The following STAB2 variants were observed in gnomAD, a reference collection of about 807,000 sequenced individuals.
STAB2 encodes the protein stabilin-2.
A neutral mutation model predicts 338.1 loss-of-function variants in STAB2; 288 were observed. The observed-to-expected ratio is 0.85, with a 90% CI of 0.77 to 0.94. STAB2 has a LOEUF of 0.94. Among genes scored for constraint, STAB2 ranks in the 40% least tolerant of loss-of-function variants. STAB2 has a pLI of 0.00. For synonymous variants in STAB2, 1,202 were observed against 1,193.3 expected (o/e 1.01, Z -0.15); for missense variants, 3,141 against 3,210.1 (o/e 0.98, Z 0.52).
intron 15 of STAB2, among the ~76,000 whole-genome samples, chr12:103,658,440 A>G (rs1333015116): frequency 6.6e-6 from 1 of 152,148 alleles, no homozygotes; most frequent in Non-Finnish European, 1.5e-5. Flanking sequence ...CAGTAACGGG[A>G]GTGATGCGGA....
Position 103,726,128 on chromosome 12 carries a change from A to G in STAB2, c.4816A>G (p.Asn1606Asp). Residue 1606 changes from asparagine (N) to aspartate (D), a missense_variant, in exon 46 of 69, where the codon AAC (asparagine) becomes GAC (aspartate). Asn to Asp is a conservative substitution (Grantham distance 23, BLOSUM62 1). Coordinates refer to ENST00000388887, the MANE Select transcript of STAB2 (RefSeq NM_017564.10). ...RGSIYQELPKNPKTSQYFFQL... is the reference protein window; with the variant it reads ...RGSIYQELPKDPKTSQYFFQL... ...TCTTTGTTTGCAGGAGCTTCCCAAG[A>G]ACCCGAAAACTTCCCAGTATTTCTT... 6.2e-7 allele frequency: 1 copy of G among 1,614,004 alleles called. No homozygotes were observed. The highest frequency in any genetic ancestry group is 1.1e-5 in the South Asian group (1 of 91,082).
chr12:103,757,823 G>C (rs55766192), intron 63 of STAB2: 9 of 262,652 alleles, frequency 3.4e-5, no homozygotes, highest in Non-Finnish European at 6.8e-5. Context: ...TTTGGGCCTC[G>C]TGAGCTGTTA....
chr12:103,707,599 CT>C (rs1158399277), intron 38 of STAB2, among the ~76,000 whole-genome samples: 7 of 152,188 alleles, frequency 4.6e-5, no homozygotes, highest in Non-Finnish European at 8.8e-5. Context: ...AAACAATGAT[CT>C]GTTTGAGCCA....
chr12:103,750,806 A>G, intron 60 of STAB2, 86 bp downstream of exon 60: 1 of 1,471,472 alleles, frequency 6.8e-7, no homozygotes, highest in East Asian at 2.5e-5. Flanking sequence ...GAAAAACAAA[A>G]CAGGCCAAGC....
At chr12:103,680,428 G>A (rs1051433340) in intron 25 of STAB2, among the ~76,000 whole-genome samples, 3 of 152,232 alleles carry the variant, frequency 2.0e-5, no homozygotes, top group Admixed American at 6.5e-5. Context: ...TCAGAAGGCA[G>A]CATAAAGGGT....
chr12:103,682,370 C>T (rs1022541304), intron 25 of STAB2, among the ~76,000 whole-genome samples: 1 of 152,210 alleles, frequency 6.6e-6, no homozygotes, highest in African/African-American at 2.4e-5. Context: ...GGATTGCCCT[C>T]AGCTGGGACT....
At chr12:103,644,886 T>A (rs1873220157) in intron 9 of STAB2, among the ~76,000 whole-genome samples, 1 of 152,226 alleles carries the variant, frequency 6.6e-6, no homozygotes, top group Non-Finnish European at 1.5e-5. Flanking sequence ...TTATTATGCA[T>A]TGCATGTCTG....
rs529434792 is a variant in STAB2, at chr12:103,638,039, A to G, written c.733A>G (p.Ile245Val). Reference protein sequence around the residue: ...CDPINPCLRKICHPHAHCTYL... With the variant: ...CDPINPCLRKVCHPHAHCTYL... ...AGCCATCAATCCATGTTTACGAAAA[A>G]TCTGCCACCCTCATGCTCATTGTAC... The change falls in exon 8 of 69, where the codon ATC (isoleucine) becomes GTC (valine). Residue 245 changes from isoleucine to valine, a missense_variant. Ile to Val is a conservative substitution (Grantham distance 29). Transcript: ENST00000388887. 118 of 1,612,788 alleles carry G rather than the reference A, an allele frequency of 7.3e-5. No individual in the cohort carries two copies. The highest frequency in any genetic ancestry group is 4.9e-4 in the South Asian group (45 of 90,944).
intron 68 of STAB2, 144 bp from the exon 69 acceptor site, chr12:103,766,142 C>T (rs1374765155): frequency 1.8e-6 from 2 of 1,116,682 alleles, no homozygotes; most frequent in Non-Finnish European, 2.7e-6. Context: ...CAACACAAGG[C>T]AGCAGCACAA....
At chr12:103,698,370 C>T (rs903385701) in intron 33 of STAB2, among the ~76,000 whole-genome samples, 3 of 151,912 alleles carry the variant, frequency 2.0e-5, no homozygotes, top group South Asian at 2.1e-4. Flanking sequence ...TTTGAAGTAG[C>T]GGGGTAAGAA....
At position 103,662,903 on chromosome 12, in the gene STAB2, G is replaced by A. The variant is rs200983598; in HGVS notation, c.1927G>A (p.Gly643Ser). 3.5e-5 allele frequency: 57 copies of A among 1,614,046 alleles called. No homozygotes were observed. Among genetic ancestry groups the A allele is most frequent in the Non-Finnish European group, 3.7e-5 (44 of 1,180,032 alleles). ...MEEIEITAKNGRIYTLTGVLI... is the reference protein window; with the variant it reads ...MEEIEITAKNSRIYTLTGVLI... Reference sequence around the variant, plus strand: ...AGAAATTGAGATCACTGCCAAAAATGGCCGAATTTACACACTGACAGGAGT... The same window carrying A: ...AGAAATTGAGATCACTGCCAAAAATAGCCGAATTTACACACTGACAGGAGT... Residue 643 changes from glycine to serine, a missense_variant, in exon 18 of 69, where the codon GGC becomes AGC. Coordinates refer to ENST00000388887, the MANE Select transcript of STAB2 (RefSeq NM_017564.10).
At position 103,725,039 on chromosome 12, in the gene STAB2, C is replaced by G. The variant is rs1368306856; in HGVS notation, c.4748C>G (p.Thr1583Ser). 1.9e-6 allele frequency: 3 copies of G among 1,614,030 alleles called. No homozygotes were observed. The Admixed American group carries it at 5.0e-5, about 27-fold the overall frequency. Residue 1583 changes from threonine (T) to serine (S), a missense_variant, in exon 45 of 69, where the codon ACT becomes AGT. By Grantham distance (58) the Thr-to-Ser change is moderately conservative. Coordinates refer to ENST00000388887, the MANE Select transcript of STAB2 (RefSeq NM_017564.10). ...ACTGGGCAAGTAGAAAGGACTTGTA[C>G]TTGCAAGCCAAACTACATTGGAGAT... Reference protein sequence around the residue: ...NHTGQVERTCTCKPNYIGDGF... With the variant: ...NHTGQVERTCSCKPNYIGDGF...
intron 18 of STAB2, among the ~76,000 whole-genome samples, chr12:103,664,366 A>T (rs10778273): frequency 6.6e-6 from 1 of 152,126 alleles, no homozygotes; most frequent in Admixed American, 6.5e-5. Flanking sequence ...GGATGGTCTC[A>T]ATCTCCTGAC....
rs755121692 is a variant in STAB2 at position 103,728,892 on chromosome 12, G to C, written c.4979G>C (p.Arg1660Pro). Residue 1660 changes from arginine (R) to proline (P), a missense_variant, in exon 48 of 69, where the codon CGG becomes CCG. By Grantham distance (103) the Arg-to-Pro change is moderately radical (BLOSUM62 -2). Coordinates refer to ENST00000388887, the MANE Select transcript of STAB2 (RefSeq NM_017564.10). The part of the protein sequence containing the change: ...DKYGLMPQVL[R>P]YHVVACHQLL... Reference sequence around the variant, plus strand: ...TACGGTTTAATGCCCCAGGTTCTTCGGTACCATGTGGTCGCCTGCCACCAG... The same window carrying C: ...TACGGTTTAATGCCCCAGGTTCTTCCGTACCATGTGGTCGCCTGCCACCAG... 1 of 1,613,914 alleles carries C rather than the reference G, an allele frequency of 6.2e-7. No homozygotes were observed. Among genetic ancestry groups the C allele is most frequent in the East Asian group, 2.2e-5 (1 of 44,882 alleles).
Position 103,648,799 on chromosome 12 carries a change from C to T in STAB2, c.1150C>T (p.Leu384=), listed in dbSNP as rs1305797765. 2 of 1,613,952 alleles carry T rather than the reference C, an allele frequency of 1.2e-6. No homozygotes were observed. The highest frequency in any genetic ancestry group is 1.7e-6 in the Non-Finnish European group (2 of 1,179,962). The change falls in exon 10 of 69, where the codon CTG becomes TTG. Residue 384 remains leucine (L), a synonymous_variant. Transcript: ENST00000388887. ...ACCCAGAGGAAAATGGCAAGGAAGG[C>T]TGACCTCTTTCATCTCACTCCTAGG... The part of the protein sequence containing the change: ...TEPRGKWQGR[L]TSFISLLDKA...
intron 52 of STAB2, among the ~76,000 whole-genome samples, chr12:103,735,804 G>A (rs1882072631): frequency 1.3e-5 from 2 of 152,176 alleles, no homozygotes; most frequent in South Asian, 4.1e-4. Context: ...GCAGGTGGCA[G>A]GAAGCCTCTT....
chr12:103,611,445 G>T (rs1338979278), intron 3 of STAB2, among the ~76,000 whole-genome samples: 1 of 152,066 alleles, frequency 6.6e-6, no homozygotes, highest in African/African-American at 2.4e-5. Context: ...TTATGTAATG[G>T]CCTTCTTTGT....
chr12:103,648,884 A>C, intron 10 of STAB2, 61 bp downstream of exon 10: 1 of 1,585,156 alleles, frequency 6.3e-7, no homozygotes, highest in Non-Finnish European at 8.6e-7. Flanking sequence ...GGGCATCTGC[A>C]AGATACAATG....
At chr12:103,625,806 C>T (rs138127998) in intron 5 of STAB2, among the ~76,000 whole-genome samples, 173 of 152,264 alleles carry the variant, frequency 1.1e-3, no homozygotes, top group African/African-American at 4.1e-3. Context: ...GTGAATAGTG[C>T]CGCAATAAAC....
Sources: allele counts gnomAD v4.1 joint callset (sites outside exome capture counted in the v4.1 genomes callset), GRCh38; gene constraint gnomAD v4.1.1; transcripts MANE v1.5; gene names NCBI Gene and HGNC (gene_info 2026-07-23, HGNC 2026-07-21).